PSME2: variants seen among roughly 807,000 people sequenced by gnomAD.
PSME2 encodes proteasome activator complex subunit 2.
PSME2 carries 20 observed loss-of-function variants against 38.8 expected under a neutral mutation model. The ratio of observed to expected loss-of-function variants is 0.52; its 90% CI spans 0.36 to 0.75. The LOEUF (loss-of-function observed/expected upper bound fraction) is 0.75, where lower values mean the gene tolerates loss of function less well. Among genes scored for constraint, PSME2 ranks in the 30% least tolerant of loss-of-function variants. The pLI, the probability that PSME2 is intolerant of heterozygous loss-of-function variation, is 0.00. For missense variants in PSME2, 227 were observed against 287.6 expected (o/e 0.79, Z 1.52); for synonymous variants, 82 against 102.5 (o/e 0.80, Z 1.21).
At chr14:24,146,479 G>T in intron 1 of PSME2, 55 bp downstream of exon 1, 5 of 1,610,572 alleles carry the variant, frequency 3.1e-6, no homozygotes, top group Non-Finnish European at 4.2e-6. Flanking sequence ...CACCCAGCTT[G>T]GCCTCCACCC....
rs974615167 is a variant in PSME2 at position 24,143,586 on chromosome 14, T to C, written c.638A>G (p.Tyr213Cys). The change falls in exon 10 of 11, where the codon TAT becomes TGT. Residue 213 changes from tyrosine to cysteine, a missense_variant and splice_region_variant. Around this residue, in one of 3 missense-constraint regions of PSME2, gnomAD observed 99 missense variants for 113.9 expected, o/e 0.87. Coordinates refer to ENST00000216802, the MANE Select transcript of PSME2 (RefSeq NM_002818.3). This position sits in a 1 kb window ranked among gnomAD's most constrained non-coding sequence, Gnocchi z 4.4. ...RAMVLDLRAF[Y>C]AELYHIISSN... ...CCTAAAGCCTTACTCCACACTCACA[T>C]AGAAGGCCCTCAGGTCCAGCACCAT... The C allele has an allele frequency of 3.7e-6, 6 of 1,614,008 alleles. 1 individual carries two copies. The highest frequency in any genetic ancestry group is 4.5e-5 in the East Asian group (2 of 44,872).
rs748556696 is a variant in PSME2, at chr14:24,145,223, T to A, written c.262+20A>T. On this transcript the variant is annotated intron_variant, in intron 5 of 10. Coordinates refer to ENST00000216802, the MANE Select transcript of PSME2 (RefSeq NM_002818.3). Reference sequence around the variant, plus strand: ...CAGTGTGCCATCACCCCTTCCCTAGTCACCTCTTATCTCTCTTACCTTCTT... The same window carrying A: ...CAGTGTGCCATCACCCCTTCCCTAGACACCTCTTATCTCTCTTACCTTCTT... 1 of 1,613,756 alleles carries A rather than the reference T, an allele frequency of 6.2e-7. No homozygotes were observed. Among genetic ancestry groups the A allele is most frequent in the Non-Finnish European group, 8.5e-7 (1 of 1,179,630 alleles).
chr14:24,146,128 G>C (rs994230346), intron 2 of PSME2, 80 bp downstream of exon 2: 1 of 1,527,542 alleles, frequency 6.5e-7, no homozygotes, highest in South Asian at 1.1e-5. Flanking sequence ...GGGTGACTTG[G>C]GGGGGTCATT....
chr14:24,143,437 T>G lies in PSME2; in HGVS notation c.692A>C (p.Lys231Thr). The part of the protein sequence containing the change: ...SSNLEKIVNP[K>T]GEEKPSMY ...GTACATAGATGGCTTTTCTTCACCC[T>G]TTGGGTTGACAATTTTCTCCAGGTT... Residue 231 changes from lysine (K) to threonine (T), a missense_variant, in exon 11 of 11, where the codon AAG (lysine) becomes ACG (threonine). By Grantham distance (78) the Lys-to-Thr change is moderately conservative. Transcript: ENST00000216802. The surrounding 1 kb of genome is among the most constrained non-coding windows in gnomAD (Gnocchi z 4.4). The G allele has an allele frequency of 6.2e-7, 1 of 1,614,136 alleles. No individual in the cohort carries two copies. Among genetic ancestry groups the G allele is most frequent in the South Asian group, 1.1e-5 (1 of 91,088 alleles).
rs115877996 is a variant in PSME2, at chr14:24,143,768, C to A, written c.553-97G>T. 2.9e-6 allele frequency: 4 copies of A among 1,365,446 alleles called. No individual in the cohort carries two copies. Among genetic ancestry groups the A allele is most frequent in the South Asian group, 2.4e-5 (2 of 82,788 alleles). The allele number at this position is 1,365,446 out of a possible 1,614,324, so 84.6% of individuals were successfully genotyped here. On this transcript the variant is annotated intron_variant, in intron 9 of 10. Transcript: ENST00000216802. The surrounding 1 kb of genome is among the most constrained non-coding windows in gnomAD (Gnocchi z 4.4). Reference sequence around the variant, plus strand: ...GAAATAGGTTAACTTGAGAATGAACCCCTTCTTAGCACCAAGAAATAGGAT... The same window carrying A: ...GAAATAGGTTAACTTGAGAATGAACACCTTCTTAGCACCAAGAAATAGGAT...
chr14:24,144,966 G>A, intron 6 of PSME2, 92 bp downstream of exon 6: 1 of 1,285,006 alleles, frequency 7.8e-7, no homozygotes, highest in Non-Finnish European at 1.1e-6. Context: ...TTCAGGACTA[G>A]GTCTCTGTAT....
Position 24,145,792 on chromosome 14 carries a change from G to A in PSME2, c.82-20C>T. 1.2e-6 allele frequency: 2 copies of A among 1,606,264 alleles called. No homozygotes were observed. Among genetic ancestry groups the A allele is most frequent in the African/African-American group, 1.3e-5 (1 of 74,880 alleles). On this transcript the variant is annotated intron_variant, in intron 2 of 10. Transcript: ENST00000216802. Reference sequence around the variant, plus strand: ...CTCAGCCTGTGGGTTACATTGCAAGGGAGGGGAATCACAGAATATGCTCAA... The same window carrying A: ...CTCAGCCTGTGGGTTACATTGCAAGAGAGGGGAATCACAGAATATGCTCAA...
rs2038112582 is a variant in PSME2 at position 24,143,864 on chromosome 14, T to C, written c.552+111A>G. The C allele has an allele frequency of 7.0e-7, 1 of 1,423,288 alleles. No homozygotes were observed. The highest frequency in any genetic ancestry group is 9.8e-7 in the Non-Finnish European group (1 of 1,017,888). The allele number at this position is 1,423,288 out of a possible 1,614,324, so 88.2% of individuals were successfully genotyped here. On this transcript the variant is annotated intron_variant, in intron 9 of 10. Coordinates refer to ENST00000216802, the MANE Select transcript of PSME2 (RefSeq NM_002818.3). This position sits in a 1 kb window ranked among gnomAD's most constrained non-coding sequence, Gnocchi z 4.4. ...AACCAGTTTTTCTAGGTAATGCTTT[T>C]AGCTTAATATTCTCCACATTGGGAA...
chr14:24,144,005 A>G lies in PSME2; in HGVS notation c.522T>C (p.Ala174=). Residue 174 remains alanine (A), a synonymous_variant, in exon 9 of 11, where the codon GCT becomes GCC. Transcript: ENST00000216802. Reference sequence around the variant, plus strand: ...GAGTCTCCTTGGAGGCCTTGGCCACAGCATCCCCACGTTCTGAGAAGTACC... The same window carrying G: ...GAGTCTCCTTGGAGGCCTTGGCCACGGCATCCCCACGTTCTGAGAAGTACC... The part of the protein sequence containing the change: ...ISKYFSERGD[A]VAKASKETHV... The G allele has an allele frequency of 6.2e-7, 1 of 1,614,084 alleles. No homozygotes were observed. The highest frequency in any genetic ancestry group is 8.5e-7 in the Non-Finnish European group (1 of 1,180,020).
rs1288379990 is a variant in PSME2 at position 24,146,528 on chromosome 14, C to T, written c.48+6G>A. 6.2e-7 allele frequency: 1 copy of T among 1,614,062 alleles called. No homozygotes were observed. The highest frequency in any genetic ancestry group is 1.3e-5 in the African/African-American group (1 of 75,056). ...GACCCCTTCCTGGCCTCCGATTCCC[C>T]ATTACCTGTTTGCGGGCTTCCCCGC... On this transcript the variant is annotated splice_donor_region_variant and intron_variant, in intron 1 of 10. Transcript: ENST00000216802.
intron 6 of PSME2, 75 bp from the exon 7 acceptor site, chr14:24,144,543 A>T (rs2038122396): frequency 4.9e-6 from 7 of 1,440,662 alleles, no homozygotes. Context: ...ACTTCCTAAA[A>T]AAAGTTATAT....
rs1446599736 is a variant in PSME2, at chr14:24,144,430, T to C, written c.399A>G (p.Glu133=). 6.2e-7 allele frequency: 1 copy of C among 1,613,750 alleles called. No homozygotes were observed. Among genetic ancestry groups the C allele is most frequent in the Non-Finnish European group, 8.5e-7 (1 of 1,179,586 alleles). Residue 133 remains glutamate (E), a synonymous_variant, in exon 7 of 11, where the codon GAA becomes GAG. Coordinates refer to ENST00000216802, the MANE Select transcript of PSME2 (RefSeq NM_002818.3). ...TTGCTACCCCAAAATCATTTCCATC[T>C]TCAATCTTGGGGATCAGGTGTTGGA... ...TWIQHLIPKI[E]DGNDFGVAIQ... is the part of the protein sequence containing the mutation.
chr14:24,145,284 A>C lies in PSME2; in HGVS notation c.232-11T>G. The stretch of plus-strand genomic sequence containing the variant: ...CTTATCTGTTTCCATCTAAGGCAAA[A>C]AGGGGGGAAAGTAGCTTTAGAAAAG... On this transcript the variant is annotated splice_polypyrimidine_tract_variant and intron_variant, in intron 4 of 10. Coordinates refer to ENST00000216802, the MANE Select transcript of PSME2 (RefSeq NM_002818.3). 1 of 1,614,010 alleles carries C rather than the reference A, an allele frequency of 6.2e-7. No homozygotes were observed. Among genetic ancestry groups the C allele is most frequent in the Non-Finnish European group, 8.5e-7 (1 of 1,179,934 alleles).
At position 24,143,508 on chromosome 14, in the gene PSME2, G is replaced by A. The variant is rs2038106489; in HGVS notation, c.640-19C>T. On this transcript the variant is annotated intron_variant, in intron 10 of 10. Transcript: ENST00000216802. This position sits in a 1 kb window ranked among gnomAD's most constrained non-coding sequence, Gnocchi z 4.4. ...GCTCAGCCTGGGAGAAGGCCAGAGT[G>A]CAAGAGTCAGGTTCTTAGCCAATCC... 1.2e-6 allele frequency: 2 copies of A among 1,613,714 alleles called. No individual in the cohort carries two copies. The highest frequency in any genetic ancestry group is 1.7e-6 in the Non-Finnish European group (2 of 1,179,608).
intron 2 of PSME2, 147 bp from the exon 3 acceptor site, chr14:24,145,919 A>C (rs750893400): frequency 7.5e-6 from 7 of 938,464 alleles, no homozygotes; most frequent in Admixed American, 3.9e-5. Context: ...GGACTTGCCC[A>C]AGCTGGTAAA....
chr14:24,144,334 G>A (rs762870129), intron 7 of PSME2, 66 bp downstream of exon 7: 24 of 1,608,294 alleles, frequency 1.5e-5, no homozygotes, highest in Middle Eastern at 3.3e-4. Flanking sequence ...CCTCCTCCTG[G>A]TTCATGTCTA....
Position 24,145,095 on chromosome 14 carries a change from T to G in PSME2, c.323A>C (p.Lys108Thr). ...CTCTTTGAGAGTCCAGACTTCTGGC[T>G]TAACCAGGGCAAGCAGGGACAGGAC... ...EKVLSLLALV[K>T]PEVWTLKEKC... The change falls in exon 6 of 11, where the codon AAG becomes ACG. Residue 108 changes from lysine (K) to threonine (T), a missense_variant. Physicochemically the swap from Lys to Thr is moderately conservative, Grantham distance 78 (BLOSUM62 -1). Around this residue, in one of 3 missense-constraint regions of PSME2, gnomAD observed 48 missense variants for 96.4 expected, o/e 0.50. Coordinates refer to ENST00000216802, the MANE Select transcript of PSME2 (RefSeq NM_002818.3). 1 of 1,613,814 alleles carries G rather than the reference T, an allele frequency of 6.2e-7. No individual in the cohort carries two copies. Among genetic ancestry groups the G allele is most frequent in the Non-Finnish European group, 8.5e-7 (1 of 1,179,772 alleles).
Position 24,143,652 on chromosome 14 carries a change from A to C in PSME2, c.572T>G (p.Val191Gly), listed in dbSNP as rs755269938. 6.8e-6 allele frequency: 11 copies of C among 1,614,124 alleles called. No individual in the cohort carries two copies. Among genetic ancestry groups the C allele is most frequent in the Non-Finnish European group, 9.3e-6 (11 of 1,180,020 alleles). Residue 191 changes from valine to glycine, a missense_variant, in exon 10 of 11, where the codon GTG becomes GGG. Val to Gly is a moderately radical substitution (Grantham distance 109). Coordinates refer to ENST00000216802, the MANE Select transcript of PSME2 (RefSeq NM_002818.3). The surrounding 1 kb of genome is among the most constrained non-coding windows in gnomAD (Gnocchi z 4.4). ...ETHVMDYRALVHERDEAAYGE... is the reference protein window; with the variant it reads ...ETHVMDYRALGHERDEAAYGE... ...ATAGGCTGCCTCATCTCGCTCATGC[A>C]CCAAGGCCCGGTAATCCATCTGCAA...
Position 24,143,904 on chromosome 14 carries a change from C to T in PSME2, c.552+71G>A. ...CACATTGGGAAAGTCACAAACAAGA[C>T]AAGGAGGACTTCTTCCTCCACACCT... On this transcript the variant is annotated intron_variant, in intron 9 of 10. Coordinates refer to ENST00000216802, the MANE Select transcript of PSME2 (RefSeq NM_002818.3). The surrounding 1 kb of genome is among the most constrained non-coding windows in gnomAD (Gnocchi z 4.4). 1.3e-6 allele frequency: 2 copies of T among 1,534,388 alleles called. No homozygotes were observed. Among genetic ancestry groups the T allele is most frequent in the South Asian group, 2.2e-5 (2 of 89,388 alleles).
Sources: gnomAD v4.1 joint callset for allele counts on GRCh38, gnomAD v4.1.1 for gene constraint, gnomAD v4.1.1 regional missense constraint, Gnocchi (gnomAD v3.1) non-coding constraint, MANE v1.5 for transcripts, NCBI Gene and HGNC (gene_info 2026-07-23, HGNC 2026-07-21) for gene names.